CSTF2: variants seen among roughly 807,000 people sequenced by gnomAD.
CSTF2 encodes the protein cleavage stimulation factor subunit 2.
A neutral mutation model predicts 45.4 loss-of-function variants in CSTF2; 8 were observed. The ratio of observed to expected loss-of-function variants is 0.18; its 90% CI spans 0.10 to 0.32. The LOEUF is 0.32. CSTF2 is among the 10% of genes least tolerant of loss of function. The probability of loss-of-function intolerance (pLI) is 1.00; values close to 1 mark genes in which losing one functional copy is unlikely to be tolerated. For synonymous variants in CSTF2, 155 were observed against 158.9 expected (o/e 0.98, Z 0.18); for missense variants, 253 against 477.1 (o/e 0.53, Z 4.38).
chrX:100,837,303 A>T, intron 11 of CSTF2, 36 bp from the exon 12 acceptor site: 1 of 1,084,181 alleles, frequency 9.2e-7, no homozygotes. Flanking sequence ...TACATTAAAA[A>T]TGCCAAAAAT....
chrX:100,837,355 G>A lies in CSTF2; in HGVS notation c.1517G>A (p.Gly506Glu). ...TACACATAGGTCCCAGTCATGCAGG[G>A]AACAGGAATGCAAGGAGCAAGTATA... ...QGSRQVPVMQ[G>E]TGMQGASIQG... is the part of the protein sequence containing the mutation. The change falls in exon 12 of 14, where the codon GGA becomes GAA. Residue 506 changes from glycine (G) to glutamate (E), a missense_variant. By Grantham distance (98) the Gly-to-Glu change is moderately conservative. This residue lies in a region of CSTF2 where 200 missense variants were observed against 294.0 expected (regional missense o/e 0.68). Coordinates refer to ENST00000372972, the MANE Select transcript of CSTF2 (RefSeq NM_001325.3). 1 of 1,208,038 alleles carries A rather than the reference G, an allele frequency of 8.3e-7. No individual in the cohort carries two copies. The highest frequency in any genetic ancestry group is 1.1e-6 in the Non-Finnish European group (1 of 893,378).
At chrX:100,824,329 G>A in intron 6 of CSTF2, 72 bp downstream of exon 6, 1 of 1,022,761 alleles carries the variant, frequency 9.8e-7, no homozygotes, top group Non-Finnish European at 1.3e-6. Context: ...AGAATATATT[G>A]AAAGAAGAAT....
intron 2 of CSTF2, among the ~76,000 whole-genome samples, chrX:100,821,920 C>T (rs2084920292): frequency 9.0e-6 from 1 of 110,624 alleles, no homozygotes; most frequent in African/African-American, 3.3e-5. Flanking sequence ...GTGGTGAAAC[C>T]TTGTCTCTAC....
chrX:100,830,864 C>G, intron 8 of CSTF2: 2 of 1,151,406 alleles, frequency 1.7e-6, no homozygotes, highest in Non-Finnish European at 1.2e-6. Context: ...TGAGCGAGTT[C>G]AAGGTACCCA....
chrX:100,832,695 T>G (rs780965276), intron 9 of CSTF2, 39 bp from the exon 10 acceptor site: 13 of 1,148,145 alleles, frequency 1.1e-5, no homozygotes, highest in Middle Eastern at 2.4e-4. Flanking sequence ...GTTGTTGTTT[T>G]GTTCTATTTT....
chrX:100,821,810 T>G (rs1217118521), intron 2 of CSTF2, among the ~76,000 whole-genome samples: 1 of 112,693 alleles, frequency 8.9e-6, no homozygotes, highest in Non-Finnish European at 1.9e-5. Context: ...AAATGTTTTT[T>G]AGGCAGGGCA....
At chrX:100,832,209 C>T (rs2084979829) in intron 9 of CSTF2, among the ~76,000 whole-genome samples, 1 of 111,690 alleles carries the variant, frequency 9.0e-6, no homozygotes, top group African/African-American at 3.3e-5. Context: ...AAGAGTGAAA[C>T]TCCATTTCAA....
intron 9 of CSTF2, 152 bp from the exon 10 acceptor site, chrX:100,832,582 C>T (rs1357429645): frequency 2.1e-6 from 1 of 482,405 alleles, no homozygotes; most frequent in Non-Finnish European, 3.3e-6. Context: ...ATTTATATCT[C>T]TGTAGCTTTT....
intron 8 of CSTF2, among the ~76,000 whole-genome samples, chrX:100,829,302 C>T (rs899721174): frequency 2.7e-5 from 3 of 110,985 alleles, no homozygotes; most frequent in Non-Finnish European, 5.7e-5. Flanking sequence ...CTAGCCTAGA[C>T]AACATGGCAA....
chrX:100,822,940 C>T (rs2084927068), intron 3 of CSTF2, among the ~76,000 whole-genome samples: 1 of 110,400 alleles, frequency 9.1e-6, no homozygotes, highest in Admixed American at 9.6e-5. Context: ...CTAACTGTGG[C>T]ATTAGTCATT....
chrX:100,833,373 C>T lies in CSTF2; in HGVS notation c.1401C>T (p.Thr467=). Residue 467 remains threonine, a synonymous_variant, in exon 11 of 14, where the codon ACC becomes ACT. Transcript: ENST00000372972. ...VRGMEARGMD[T]RGPVPGPRGP... ...GGATGGAGGCCAGAGGCATGGATAC[C>T]AGAGGCCCAGTGCCTGGCCCCAGAG... 1 of 1,209,645 alleles carries T rather than the reference C, an allele frequency of 8.3e-7. No individual in the cohort carries two copies.
chrX:100,834,129 G>C (rs1030662203), intron 11 of CSTF2, among the ~76,000 whole-genome samples: 3 of 111,349 alleles, frequency 2.7e-5, no homozygotes, highest in Non-Finnish European at 5.7e-5. Context: ...TCTTCATCTC[G>C]ACTTGGTTGT....
chrX:100,832,090 G>A (rs921716424), intron 9 of CSTF2, among the ~76,000 whole-genome samples: 1 of 110,690 alleles, frequency 9.0e-6, no homozygotes, highest in Non-Finnish European at 1.9e-5. Context: ...GGTGGCGGGC[G>A]CCTATAATTA....
chrX:100,840,558 A>G (rs1028631682), intron 13 of CSTF2, among the ~76,000 whole-genome samples, 156 bp from the exon 14 acceptor site: 2 of 111,655 alleles, frequency 1.8e-5, no homozygotes, highest in Non-Finnish European at 3.8e-5. Context: ...TTGAGGAGTC[A>G]GGAGGCAGGA....
At position 100,833,375 on chromosome X, in the gene CSTF2, G is replaced by A; in HGVS notation, c.1403G>A (p.Arg468Lys). 8.3e-7 allele frequency: 1 copy of A among 1,209,628 alleles called. No homozygotes were observed. Among genetic ancestry groups the A allele is most frequent in the Non-Finnish European group, 1.1e-6 (1 of 894,431 alleles). The change falls in exon 11 of 14, where the codon AGA becomes AAA. Residue 468 changes from arginine to lysine, a missense_variant. Physicochemically the swap from Arg to Lys is conservative, Grantham distance 26. Around this residue, in one of 3 missense-constraint regions of CSTF2, gnomAD observed 200 missense variants for 294.0 expected, o/e 0.68. Coordinates refer to ENST00000372972, the MANE Select transcript of CSTF2 (RefSeq NM_001325.3). ...RGMEARGMDT[R>K]GPVPGPRGPI... ...ATGGAGGCCAGAGGCATGGATACCA[G>A]AGGCCCAGTGCCTGGCCCCAGAGGA... is the stretch of plus-strand genomic sequence containing the variant.
intron 13 of CSTF2, among the ~76,000 whole-genome samples, chrX:100,839,945 AT>A (rs766568384): frequency 2.7e-5 from 3 of 111,317 alleles, no homozygotes; most frequent in Non-Finnish European, 5.7e-5. Context: ...GTTTTTGTCT[AT>A]TTTTTTACCT....
rs1474558153 is a variant in CSTF2, at chrX:100,832,721, T to C, written c.1032-13T>C. On this transcript the variant is annotated splice_polypyrimidine_tract_variant and intron_variant, in intron 9 of 13. Transcript: ENST00000372972. ...GTTCTATTTTAAAATACAACGTTTTTCTCCATCTCCAGAGGTTACTTGGGA... is the reference window on the plus strand; with the variant it reads ...GTTCTATTTTAAAATACAACGTTTTCCTCCATCTCCAGAGGTTACTTGGGA... 8.4e-7 allele frequency: 1 copy of C among 1,185,866 alleles called. No individual in the cohort carries two copies. Among genetic ancestry groups the C allele is most frequent in the East Asian group, 3.0e-5 (1 of 33,555 alleles).
At chrX:100,833,098 TTCTA>T (rs1337172475) in intron 10 of CSTF2, 78 bp from the exon 11 acceptor site, 13 of 1,067,171 alleles carry the variant, frequency 1.2e-5, no homozygotes, top group Non-Finnish European at 1.5e-5. Flanking sequence ...TAGAAGAGAT[TTCTA>T]TCTTTCTTGG....
At chrX:100,831,284 T>C (rs1181473628) in intron 8 of CSTF2, among the ~76,000 whole-genome samples, 1 of 111,919 alleles carries the variant, frequency 8.9e-6, no homozygotes, top group African/African-American at 3.3e-5. Flanking sequence ...GTGCTAGTCC[T>C]TGGCAGGTTG....
Sources: allele counts gnomAD v4.1 joint callset (sites outside exome capture counted in the v4.1 genomes callset), GRCh38; gene constraint gnomAD v4.1.1; regional missense constraint gnomAD v4.1.1; transcripts MANE v1.5; gene names NCBI Gene and HGNC (gene_info 2026-07-23, HGNC 2026-07-21).